NCKAP5: variants seen among roughly 807,000 people sequenced by gnomAD.
The protein encoded by NCKAP5 is nck-associated protein 5.
A neutral mutation model predicts 167.0 loss-of-function variants in NCKAP5; 92 were observed. The ratio of observed to expected loss-of-function variants is 0.55; its 90% CI spans 0.47 to 0.66. NCKAP5 has a LOEUF of 0.66. NCKAP5 is among the 30% of genes least tolerant of loss of function. NCKAP5 has a pLI of 0.00. For synonymous variants in NCKAP5, 891 were observed against 877.4 expected, an observed-to-expected ratio of 1.02 and a Z score of -0.27; for missense variants, 2,378 against 2,315.0, an observed-to-expected ratio of 1.03 and a Z score of -0.56.
intron 6 of NCKAP5, among the ~76,000 whole-genome samples, chr2:133,087,518 CT>C (rs1234359877): frequency 2.0e-5 from 3 of 152,136 alleles, no homozygotes; most frequent in African/African-American, 7.2e-5. Flanking sequence ...TGTGTTGTTT[CT>C]TAATGATCTA....
At chr2:133,107,756 A>C (rs2081761057) in intron 6 of NCKAP5, among the ~76,000 whole-genome samples, 1 of 152,230 alleles carries the variant, frequency 6.6e-6, no homozygotes, top group South Asian at 2.1e-4. Flanking sequence ...CTTTTAAAAA[A>C]TAAGTTAGGG....
At chr2:133,221,875 A>G (rs1158009641) in intron 4 of NCKAP5, among the ~76,000 whole-genome samples, 1 of 152,206 alleles carries the variant, frequency 6.6e-6, no homozygotes, top group Non-Finnish European at 1.5e-5. Context: ...AGTCTTTTGA[A>G]TGCAATGCTG....
chr2:133,592,927 T>C, the NCKAP5 span, among the ~76,000 whole-genome samples: 1 of 152,192 alleles, frequency 6.6e-6, no homozygotes. Context: ...CTTGTTCTCA[T>C]CCTCAGCCCA....
chr2:133,398,838 C>T (rs1364609256), intron 3 of NCKAP5, among the ~76,000 whole-genome samples: 2 of 152,108 alleles, frequency 1.3e-5, no homozygotes, highest in African/African-American at 2.4e-5. Flanking sequence ...GGCACAGCAC[C>T]CTTCACTGAG....
intron 9 of NCKAP5, among the ~76,000 whole-genome samples, chr2:132,869,858 C>A (rs148138764): frequency 2.9e-4 from 44 of 152,284 alleles, no homozygotes; most frequent in Admixed American, 1.3e-3. Flanking sequence ...TGTTATGGAG[C>A]TGTACTGTCT....
At position 133,024,567 on chromosome 2, in the gene NCKAP5, G is replaced by A. The variant is rs143788043; in HGVS notation, c.342-30328C>T. Among the ~76,000 whole-genome samples, 11 of 152,278 alleles carry A rather than the reference G, an allele frequency of 7.2e-5. No individual in the cohort carries two copies. In the East Asian group the frequency reaches 2.1e-3, roughly 29 times the overall value. On this transcript the variant is annotated intron_variant, in intron 6 of 19. Transcript: ENST00000409261. ...TTTACTTGTATTTAGTACACTAAAT[G>A]TAGGAGAAAGTTATACACTTATTTT... is the stretch of plus-strand genomic sequence containing the variant.
chr2:132,753,307 C>G (rs1041315243), intron 16 of NCKAP5, among the ~76,000 whole-genome samples: 2 of 152,146 alleles, frequency 1.3e-5, no homozygotes, highest in Admixed American at 1.3e-4. Context: ...GTCAAGAAAG[C>G]CACCTTGCTA....
Position 133,136,638 on chromosome 2 carries a change from C to T in NCKAP5, c.208-6527G>A, listed in dbSNP as rs551029430. On this transcript the variant is annotated intron_variant, in intron 5 of 19. Transcript: ENST00000409261. ...ATTCGAATTGAGTCATACTTTATGA[C>T]CAAAGAATCATGGGGAAAACATTAG... 1.3e-3 allele frequency among the ~76,000 whole-genome samples: 205 copies of T among 152,100 alleles called. 1 individual carries two copies. The highest frequency in any genetic ancestry group is 7.1e-3 in the South Asian group (34 of 4,810).
chr2:132,779,140 TAG>T (rs1483638455), intron 15 of NCKAP5, among the ~76,000 whole-genome samples: 1 of 152,298 alleles, frequency 6.6e-6, no homozygotes, highest in East Asian at 1.9e-4. Flanking sequence ...AGAAAATAAT[TAG>T]AGTGTTTCTT....
chr2:133,476,761 T>C (rs918072456), intron 3 of NCKAP5, among the ~76,000 whole-genome samples: 1 of 152,358 alleles, frequency 6.6e-6, no homozygotes. Context: ...CATGCTCTTA[T>C]AGCACATTGA....
intron 16 of NCKAP5, among the ~76,000 whole-genome samples, chr2:132,765,873 T>C (rs1034464099): frequency 3.3e-5 from 5 of 152,166 alleles, no homozygotes; most frequent in African/African-American, 9.7e-5. Flanking sequence ...TAGGAAGTGT[T>C]CTTAAAACGA....
chr2:133,471,174 G>C (rs1166688658), intron 3 of NCKAP5, among the ~76,000 whole-genome samples: 1 of 151,742 alleles, frequency 6.6e-6, no homozygotes, highest in East Asian at 1.9e-4. Flanking sequence ...TTTTTTCAAA[G>C]GTTAGAGTCC....
At chr2:133,082,673 G>A (rs1009085683) in intron 6 of NCKAP5, among the ~76,000 whole-genome samples, 4 of 152,108 alleles carry the variant, frequency 2.6e-5, no homozygotes, top group African/African-American at 4.8e-5. Context: ...AGGCACCTAC[G>A]TAGACAGACT....
At chr2:133,254,478 C>G (rs918702709) in intron 4 of NCKAP5, among the ~76,000 whole-genome samples, 4 of 152,090 alleles carry the variant, frequency 2.6e-5, no homozygotes, top group Non-Finnish European at 4.4e-5. Context: ...AAGAACCACC[C>G]AGCTGAGTCT....
chr2:132,804,745 T>C (rs1685303220), intron 11 of NCKAP5, among the ~76,000 whole-genome samples: 1 of 152,088 alleles, frequency 6.6e-6, no homozygotes, highest in South Asian at 2.1e-4. Flanking sequence ...TACTACTGTG[T>C]GGAAGAAGCT....
chr2:132,858,204 G>A (rs1013446710), intron 11 of NCKAP5, among the ~76,000 whole-genome samples: 1 of 152,110 alleles, frequency 6.6e-6, no homozygotes, highest in Admixed American at 6.5e-5. Context: ...ATAATATTTG[G>A]AACCAGGGAC....
At chr2:133,230,234 G>C (rs974530955) in intron 4 of NCKAP5, among the ~76,000 whole-genome samples, 1 of 152,110 alleles carries the variant, frequency 6.6e-6, no homozygotes, top group African/African-American at 2.4e-5. Flanking sequence ...CAGGCATCTG[G>C]TGGGCAATAA....
chr2:132,734,004 G>A (rs11901224), intron 16 of NCKAP5, among the ~76,000 whole-genome samples: 2,336 of 152,176 alleles, frequency 0.015, 62 homozygotes, highest in African/African-American at 0.053. Context: ...GGGATGTTTG[G>A]TCATGGACTC....
At chr2:133,512,101 T>A (rs182662931) in intron 3 of NCKAP5, among the ~76,000 whole-genome samples, 1 of 152,330 alleles carries the variant, frequency 6.6e-6, no homozygotes, top group Admixed American at 6.5e-5. Flanking sequence ...ACTTTTGTTT[T>A]CTTAGTATTC....
Sources: gnomAD v4.1 joint callset for allele counts (sites outside exome capture counted in the v4.1 genomes callset) on GRCh38, gnomAD v4.1.1 for gene constraint, MANE v1.5 for transcripts, NCBI Gene and HGNC (gene_info 2026-07-23, HGNC 2026-07-21) for gene names.